Variants in NUP188 observed in about 807,000 individuals in gnomAD.
NUP188 encodes nucleoporin NUP188.
Under a neutral mutation model 223.0 loss-of-function variants are expected in NUP188, and 97 were observed. The observed-to-expected ratio is 0.43, with a 90% CI of 0.37 to 0.51. NUP188 has a LOEUF of 0.51. Among genes scored for constraint, NUP188 ranks in the 20% least tolerant of loss-of-function variants. NUP188 has a pLI of 0.00. For synonymous variants in NUP188, 869 were observed against 828.0 expected (o/e 1.05, Z -0.85); for missense variants, 1,947 against 2,175.6 (o/e 0.89, Z 2.09).
rs746931427 is a variant in NUP188 at position 129,005,534 on chromosome 9, C to T, written c.4737+4C>T. The T allele has an allele frequency of 2.2e-5, 36 of 1,608,398 alleles. No homozygotes were observed. Among genetic ancestry groups the T allele is most frequent in the Non-Finnish European group, 2.7e-5 (32 of 1,179,796 alleles). Reference sequence around the variant, plus strand: ...CTGCCAGATTCTGCTGGATCAGGTACTGCCCATCATCTGTTCAGCACCACC... The same window carrying T: ...CTGCCAGATTCTGCTGGATCAGGTATTGCCCATCATCTGTTCAGCACCACC... On this transcript the variant is annotated splice_donor_region_variant and intron_variant, in intron 40 of 43. Transcript: ENST00000372577.
At chr9:128,957,683 C>G (rs939086272) in intron 5 of NUP188, among the ~76,000 whole-genome samples, 1 of 152,080 alleles carries the variant, frequency 6.6e-6, no homozygotes, top group South Asian at 2.1e-4. Flanking sequence ...CCAGGATGGT[C>G]TCAATCTCCT....
chr9:128,978,758 A>G (rs1842214654), intron 12 of NUP188, among the ~76,000 whole-genome samples: 1 of 151,964 alleles, frequency 6.6e-6, no homozygotes, highest in Non-Finnish European at 1.5e-5. Flanking sequence ...TGCCCAGGCT[A>G]GAGTACAGTG....
At chr9:129,001,418 A>G (rs1388506434) in intron 34 of NUP188, 111 bp from the exon 35 acceptor site, 3 of 867,300 alleles carry the variant, frequency 3.5e-6, no homozygotes, top group Admixed American at 3.6e-5. Flanking sequence ...AAGCTCACTT[A>G]GCAATGTGTG....
intron 9 of NUP188, 145 bp from the exon 10 acceptor site, chr9:128,969,255 T>G: frequency 1.7e-6 from 1 of 579,526 alleles, no homozygotes; most frequent in Non-Finnish European, 3.0e-6. Context: ...CACCTCTGCC[T>G]CTCAAAGTGT....
rs1368663753 is a variant in NUP188 at position 128,979,344 on chromosome 9, G to A, written c.1269+17G>A. On this transcript the variant is annotated intron_variant, in intron 13 of 43. Transcript: ENST00000372577. ...TGGGGAACAGTAAGTATGTCAGAGA[G>A]AGTCACTGCATAGCAAAAGAATTGT... 2 of 1,586,098 alleles carry A rather than the reference G, an allele frequency of 1.3e-6. No individual in the cohort carries two copies. Among genetic ancestry groups the A allele is most frequent in the Non-Finnish European group, 8.6e-7 (1 of 1,156,090 alleles).
chr9:128,982,644 A>G lies in NUP188; in HGVS notation c.1612A>G (p.Ser538Gly), dbSNP rs185838371. 1.9e-6 allele frequency: 3 copies of G among 1,614,140 alleles called. No homozygotes were observed. The African/African-American group carries it at 4.0e-5, about 22-fold the overall frequency. Residue 538 changes from serine (S) to glycine (G), a missense_variant, in exon 16 of 44, where the codon AGC (serine) becomes GGC (glycine). By Grantham distance (56) the Ser-to-Gly change is moderately conservative (BLOSUM62 0). Coordinates refer to ENST00000372577, the MANE Select transcript of NUP188 (RefSeq NM_015354.3). ...YLVRWEYSYS[S>G]WTLFTCEIEM... ...GGTACGCTGGGAATACTCCTATAGC[A>G]GCTGGACCCTCTTTACCTGCGAGAT...
At chr9:128,972,592 C>T (rs1842118589) in intron 11 of NUP188, among the ~76,000 whole-genome samples, 1 of 152,188 alleles carries the variant, frequency 6.6e-6, no homozygotes, top group South Asian at 2.1e-4. Flanking sequence ...TTAGTGTAAA[C>T]TGTGGACTTT....
At chr9:128,984,761 T>C in intron 19 of NUP188, 139 bp from the exon 20 acceptor site, 1 of 569,832 alleles carries the variant, frequency 1.8e-6, no homozygotes, top group Non-Finnish European at 3.1e-6. Context: ...CAGAACTGTC[T>C]TGATTGGATT....
Position 128,999,244 on chromosome 9 carries a change from G to A in NUP188, c.3588G>A (p.Gln1196=). 1 of 1,614,140 alleles carries A rather than the reference G, an allele frequency of 6.2e-7. No individual in the cohort carries two copies. Among genetic ancestry groups the A allele is most frequent in the Non-Finnish European group, 8.5e-7 (1 of 1,180,000 alleles). ...TGGAGGGAGTGCTGCAGGCCGACCA[G>A]CAACTCATGGAGAAGACCAAGGCCA... ...EILEGVLQAD[Q]QLMEKTKAKV... The change falls in exon 33 of 44, where the codon CAG becomes CAA. Residue 1196 remains glutamine (Q), a synonymous_variant. Transcript: ENST00000372577.
chr9:128,957,979 G>A, intron 5 of NUP188, 31 bp from the exon 6 acceptor site: 1 of 1,578,194 alleles, frequency 6.3e-7, no homozygotes. Flanking sequence ...CCTAAAAGAT[G>A]GCCTCTTAAC....
rs778817059 is a variant in NUP188, at chr9:129,006,092, A to C, written c.4912A>C (p.Ser1638Arg). ...GCCCCTCACCCAGGCAGTGGGGCTC[A>C]GCACACAGGCAGAAGGGACCAGGAC... ...KEPLTQAVGL[S>R]TQAEGTRTLK... The change falls in exon 42 of 44, where the codon AGC (serine) becomes CGC (arginine). Residue 1638 changes from serine (S) to arginine (R), a missense_variant. Ser to Arg is a moderately radical substitution (Grantham distance 110, BLOSUM62 -1). This residue lies in a region of NUP188 where 905 missense variants were observed against 990.6 expected (regional missense o/e 0.91). Transcript: ENST00000372577. 14 of 1,614,096 alleles carry C rather than the reference A, an allele frequency of 8.7e-6. No individual in the cohort carries two copies. The highest frequency in any genetic ancestry group is 1.1e-5 in the Non-Finnish European group (13 of 1,180,056).
intron 12 of NUP188, among the ~76,000 whole-genome samples, chr9:128,978,556 CAAAAA>C (rs57813508): frequency 0.015 from 1,035 of 67,616 alleles, 8 homozygotes; most frequent in East Asian, 0.033. Flanking sequence ...GAGTGAGACT[CAAAAA>C]AAAAAAAAAA....
chr9:128,993,012 C>T, intron 25 of NUP188, 185 bp from the exon 26 acceptor site: 1 of 596,872 alleles, frequency 1.7e-6, no homozygotes, highest in Non-Finnish European at 3.0e-6. Flanking sequence ...TGATTACTGT[C>T]TTTCCTGTGA....
chr9:129,005,953 G>T, intron 41 of NUP188, 97 bp from the exon 42 acceptor site: 2 of 1,445,324 alleles, frequency 1.4e-6, no homozygotes, highest in South Asian at 2.3e-5. Context: ...TGAGGTAACT[G>T]ATTAAATTTG....
At position 128,993,302 on chromosome 9, in the gene NUP188, G is replaced by A. The variant is rs1311892401; in HGVS notation, c.2746G>A (p.Val916Ile). ...QSKIEDMRIK[V>I]MILEFLTVAV... ...CAAAATTGAGGACATGCGCATCAAA[G>A]TCATGATTCTAGAGTTCCTCACTGT... The change falls in exon 26 of 44, where the codon GTC (valine) becomes ATC (isoleucine). Residue 916 changes from valine to isoleucine, a missense_variant. Transcript: ENST00000372577. 1 of 1,614,216 alleles carries A rather than the reference G, an allele frequency of 6.2e-7. No homozygotes were observed. The highest frequency in any genetic ancestry group is 8.5e-7 in the Non-Finnish European group (1 of 1,180,026).
In NUP188 at chr9:129,001,649, G is replaced by T. The variant is rs759260436; in HGVS notation, c.3964G>T (p.Val1322Leu). The T allele has an allele frequency of 1.9e-6, 3 of 1,614,040 alleles. No homozygotes were observed. Among genetic ancestry groups the T allele is most frequent in the Non-Finnish European group, 2.5e-6 (3 of 1,180,000 alleles). Residue 1322 changes from valine to leucine, a missense_variant, in exon 35 of 44, where the codon GTG becomes TTG. Around this residue, in one of 3 missense-constraint regions of NUP188, gnomAD observed 905 missense variants for 990.6 expected, o/e 0.91. Coordinates refer to ENST00000372577, the MANE Select transcript of NUP188 (RefSeq NM_015354.3). ...ILPTLLTTLE[V>L]SLRMKQNLHF... ...ACCCACCCTCCTCACCACTCTAGAGGTGAGCCTTCGCATGAAGCAGAACCT... is the reference window on the plus strand; with the variant it reads ...ACCCACCCTCCTCACCACTCTAGAGTTGAGCCTTCGCATGAAGCAGAACCT...
At chr9:128,949,330 T>A in intron 2 of NUP188, 87 bp downstream of exon 2, 1 of 882,476 alleles carries the variant, frequency 1.1e-6, no homozygotes, top group Non-Finnish European at 1.9e-6. Context: ...ATGTAGGAAG[T>A]AAACACATTT....
chr9:128,998,349 C>G, intron 31 of NUP188, 121 bp downstream of exon 31: 1 of 1,058,724 alleles, frequency 9.4e-7, no homozygotes, highest in Non-Finnish European at 1.5e-6. Context: ...CTCACGTTGG[C>G]CTGGGAGGCC....
intron 34 of NUP188, among the ~76,000 whole-genome samples, chr9:129,000,332 T>G (rs906178031): frequency 6.6e-6 from 1 of 152,110 alleles, no homozygotes; most frequent in African/African-American, 2.4e-5. Flanking sequence ...ATTAGCACAT[T>G]TTGTTACAAC....
Sources: gnomAD v4.1 joint callset for allele counts (sites outside exome capture counted in the v4.1 genomes callset) on GRCh38, gnomAD v4.1.1 for gene constraint, gnomAD v4.1.1 regional missense constraint, MANE v1.5 for transcripts, NCBI Gene and HGNC (gene_info 2026-07-23, HGNC 2026-07-21) for gene names.